The following HMCN1 variants were observed in gnomAD, a reference collection of about 807,000 sequenced individuals.
HMCN1 encodes hemicentin 1.
Under a neutral mutation model 625.9 loss-of-function variants are expected in HMCN1, and 321 were observed. The ratio of observed to expected loss-of-function variants is 0.51; its 90% confidence interval spans 0.47 to 0.56. HMCN1 has a LOEUF of 0.56. HMCN1 is among the 20% of genes least tolerant of loss of function. The pLI, the probability that HMCN1 is intolerant of heterozygous loss-of-function variation, is 0.00. For missense variants in HMCN1, 6,588 were observed against 6,887.3 expected (o/e 0.96, Z 1.54); for synonymous variants, 2,425 against 2,417.6 (o/e 1.00, Z -0.09).
chr1:186,033,184 G>T (rs1464524412), intron 36 of HMCN1, among the ~76,000 whole-genome samples: 1 of 152,050 alleles, frequency 6.6e-6, no homozygotes, highest in Non-Finnish European at 1.5e-5. Context: ...TCTAAGTGAA[G>T]TAACCCAGGA....
chr1:186,076,097 T>C (rs1357048533), intron 53 of HMCN1, among the ~76,000 whole-genome samples: 1 of 152,146 alleles, frequency 6.6e-6, no homozygotes, highest in African/African-American at 2.4e-5. Context: ...TTCTCAAAAT[T>C]AGTCTTTCCT....
chr1:185,986,136 A>G (rs1571666463), intron 19 of HMCN1, among the ~76,000 whole-genome samples: 1 of 152,186 alleles, frequency 6.6e-6, no homozygotes, highest in Non-Finnish European at 1.5e-5. Context: ...GTAGCCTGGC[A>G]TTGTTGTTTA....
At chr1:186,105,335 GTA>G (rs1660560996) in intron 69 of HMCN1, among the ~76,000 whole-genome samples, 1 of 152,148 alleles carries the variant, frequency 6.6e-6, no homozygotes, top group South Asian at 2.1e-4. Context: ...ATAGCAATTT[GTA>G]TATACTTCTG....
At chr1:186,107,723 T>G (rs1479021128) in intron 70 of HMCN1, among the ~76,000 whole-genome samples, 2 of 152,132 alleles carry the variant, frequency 1.3e-5, no homozygotes, top group Non-Finnish European at 2.9e-5. Context: ...GCCCATTCCC[T>G]TTATTTTGAG....
At position 185,977,767 on chromosome 1, in the gene HMCN1, T is replaced by C. The variant is rs776595344; in HGVS notation, c.2372-20T>C. ...GTATAATATACCGATGACTTATTTG[T>C]TGTTTGTAATGTCTTCCAGCACCTC... is the stretch of plus-strand genomic sequence containing the variant. On this transcript the variant is annotated intron_variant, in intron 15 of 106. Coordinates refer to ENST00000271588, the MANE Select transcript of HMCN1 (RefSeq NM_031935.3). 7.2e-6 allele frequency: 11 copies of C among 1,538,316 alleles called. No homozygotes were observed. Among genetic ancestry groups the C allele is most frequent in the East Asian group, 2.3e-5 (1 of 44,370 alleles).
intron 1 of HMCN1, among the ~76,000 whole-genome samples, chr1:185,845,648 C>G (rs184627354): frequency 2.6e-5 from 4 of 152,322 alleles, no homozygotes; most frequent in African/African-American, 9.6e-5. Context: ...CAAATTTACA[C>G]TTTAAAGTTG....
At chr1:185,895,220 A>C (rs891246539) in intron 4 of HMCN1, among the ~76,000 whole-genome samples, 5 of 152,252 alleles carry the variant, frequency 3.3e-5, no homozygotes, top group African/African-American at 1.2e-4. Context: ...ATATGTTGCA[A>C]GTAAAAGCCA....
intron 14 of HMCN1, among the ~76,000 whole-genome samples, chr1:185,969,494 C>G (rs1420757081): frequency 6.6e-6 from 1 of 152,094 alleles, no homozygotes; most frequent in East Asian, 1.9e-4. Context: ...AGTACTAGCT[C>G]CTGAGTTGTG....
chr1:185,955,074 T>G (rs986171070), intron 11 of HMCN1, among the ~76,000 whole-genome samples: 3 of 152,180 alleles, frequency 2.0e-5, no homozygotes, highest in Admixed American at 1.3e-4. Flanking sequence ...ATATCACTCC[T>G]TTCCTCCTCA....
chr1:186,087,501 G>A lies in HMCN1; in HGVS notation c.9219G>A (p.Glu3073=). 6.2e-7 allele frequency: 1 copy of A among 1,613,324 alleles called. No homozygotes were observed. Among genetic ancestry groups the A allele is most frequent in the South Asian group, 1.1e-5 (1 of 91,060 alleles). The part of the protein sequence containing the change: ...SESLSVVNVR[E]GTSVSLECES... ...CTCTTTCTGTAGTTAATGTAAGAGA[G>A]GGAACTTCTGTGTCTTTGGAGTGTG... The change falls in exon 60 of 107, where the codon GAG becomes GAA. Residue 3073 remains glutamate (E), a synonymous_variant. Transcript: ENST00000271588.
At chr1:185,980,402 T>C (rs1170680551) in intron 16 of HMCN1, among the ~76,000 whole-genome samples, 1 of 152,230 alleles carries the variant, frequency 6.6e-6, no homozygotes, top group African/African-American at 2.4e-5. Flanking sequence ...TGCAGACTCA[T>C]GTAGTTACAA....
intron 47 of HMCN1, 104 bp downstream of exon 47, chr1:186,062,068 A>G (rs1161673144): frequency 1.4e-6 from 1 of 718,936 alleles, no homozygotes; most frequent in East Asian, 2.6e-5. Context: ...TGTGTTATTT[A>G]GACCCTGGAC....
intron 28 of HMCN1, among the ~76,000 whole-genome samples, chr1:186,003,162 G>T (rs1417403773): frequency 6.6e-6 from 1 of 152,092 alleles, no homozygotes; most frequent in South Asian, 2.1e-4. Flanking sequence ...TTAACATGGT[G>T]TGAAAGGGGA....
chr1:185,976,043 A>T (rs1651187379), intron 15 of HMCN1, among the ~76,000 whole-genome samples: 1 of 152,212 alleles, frequency 6.6e-6, no homozygotes. Context: ...GGTTACAAAT[A>T]TAAACTCTCT....
chr1:185,989,383 A>T (rs1243941868), intron 20 of HMCN1, 105 bp from the exon 21 acceptor site: 6 of 1,269,090 alleles, frequency 4.7e-6, no homozygotes, highest in Non-Finnish European at 6.9e-6. Context: ...CCCCTCTTGG[A>T]GATGTTTTTT....
At chr1:186,024,436 C>T (rs1654928786) in intron 36 of HMCN1, among the ~76,000 whole-genome samples, 1 of 152,102 alleles carries the variant, frequency 6.6e-6, no homozygotes. Flanking sequence ...GGCTCGTTCT[C>T]TTCTCCTTCT....
At position 186,070,749 on chromosome 1, in the gene HMCN1, G is replaced by A; in HGVS notation, c.8131G>A (p.Asp2711Asn). The A allele has an allele frequency of 6.2e-7, 1 of 1,613,784 alleles. No individual in the cohort carries two copies. The highest frequency in any genetic ancestry group is 8.5e-7 in the Non-Finnish European group (1 of 1,179,824). ...IPSASLSWYK[D>N]GQPLKSDDHV... Reference sequence around the variant, plus strand: ...TTCTGCCTCCCTCAGCTGGTACAAGGATGGACAGGCCAGTCACAACTTTTT... The same window carrying A: ...TTCTGCCTCCCTCAGCTGGTACAAGAATGGACAGGCCAGTCACAACTTTTT... The change falls in exon 52 of 107, where the codon GAT (aspartate) becomes AAT (asparagine). Residue 2711 changes from aspartate to asparagine, a missense_variant. Physicochemically the swap from Asp to Asn is conservative, Grantham distance 23 (BLOSUM62 1). Transcript: ENST00000271588.
intron 93 of HMCN1, among the ~76,000 whole-genome samples, chr1:186,149,158 C>T (rs185176749): frequency 1.3e-5 from 2 of 152,250 alleles, no homozygotes; most frequent in Non-Finnish European, 2.9e-5. Context: ...CTTAACAAGA[C>T]AGTCAGTTTG....
intron 36 of HMCN1, among the ~76,000 whole-genome samples, chr1:186,025,722 A>G (rs1041420001): frequency 2.6e-5 from 4 of 152,230 alleles, no homozygotes; most frequent in African/African-American, 9.6e-5. Context: ...GTGCACCTCT[A>G]CATGGAAAAT....
Sources: gnomAD v4.1 joint callset for allele counts (sites outside exome capture counted in the v4.1 genomes callset) on GRCh38, gnomAD v4.1.1 for gene constraint, MANE v1.5 for transcripts, NCBI Gene and HGNC (gene_info 2026-07-23, HGNC 2026-07-21) for gene names.